Variants in PI4K2B observed in about 807,000 individuals in gnomAD.
The protein encoded by PI4K2B is phosphatidylinositol 4-kinase type 2-beta.
Under a neutral mutation model 56.6 loss-of-function variants are expected in PI4K2B, and 46 were observed. The observed-to-expected ratio is 0.81, with a 90% CI of 0.64 to 1.04. The LOEUF (loss-of-function observed/expected upper bound fraction) is 1.04, where lower values mean the gene tolerates loss of function less well. Ranked by LOEUF, PI4K2B falls within the 50% of genes least tolerant of loss-of-function variation. The probability of loss-of-function intolerance (pLI) is 0.00; values close to 1 mark genes in which losing one functional copy is unlikely to be tolerated. For missense variants in PI4K2B, 556 were observed against 607.7 expected (o/e 0.91, Z 0.89); for synonymous variants, 211 against 223.8 (o/e 0.94, Z 0.51).
chr4:25,250,106 G>A (rs575031527), intron 1 of PI4K2B, among the ~76,000 whole-genome samples: 2 of 152,302 alleles, frequency 1.3e-5, no homozygotes, highest in South Asian at 2.1e-4. Context: ...GCAATCCCAG[G>A]CACTTGGCAG....
At chr4:25,246,552 C>T (rs956904095) in intron 1 of PI4K2B, among the ~76,000 whole-genome samples, 3 of 152,282 alleles carry the variant, frequency 2.0e-5, no homozygotes, top group African/African-American at 7.2e-5. Flanking sequence ...AAGAGCCCAG[C>T]TGGCTTCACC....
At chr4:25,249,120 G>A (rs184774111) in intron 1 of PI4K2B, among the ~76,000 whole-genome samples, 11 of 152,250 alleles carry the variant, frequency 7.2e-5, no homozygotes, top group African/African-American at 1.7e-4. Context: ...AGAGAGCGCC[G>A]GGTTGGGGGT....
In PI4K2B at chr4:25,234,404, C is replaced by G. The variant is rs1186143257; in HGVS notation, c.241C>G (p.Leu81Val). The G allele has an allele frequency of 1.4e-6, 2 of 1,388,840 alleles. No homozygotes were observed. Among genetic ancestry groups the G allele is most frequent in the Non-Finnish European group, 1.9e-6 (2 of 1,070,392 alleles). The allele number at this position is 1,388,840 out of a possible 1,614,324, so 86.0% of individuals were successfully genotyped here. A position where few individuals can be genotyped will look rare whatever the true frequency, so the allele number is the denominator to read the frequency against. Residue 81 changes from leucine to valine, a missense_variant, in exon 1 of 10, where the codon CTG becomes GTG. Coordinates refer to ENST00000264864, the MANE Select transcript of PI4K2B (RefSeq NM_018323.4). ...GGTCTCCCGGAGTTCGTCCGCCGAGCTGGACCGGAGCCGCCCCGCGGTTTC... is the reference window on the plus strand; with the variant it reads ...GGTCTCCCGGAGTTCGTCCGCCGAGGTGGACCGGAGCCGCCCCGCGGTTTC... ...VGVSRSSSAE[L>V]DRSRPAVSVT...
At chr4:25,256,743 G>T in intron 4 of PI4K2B, 69 bp downstream of exon 4, 1 of 1,408,494 alleles carries the variant, frequency 7.1e-7, no homozygotes, top group Non-Finnish European at 9.9e-7. Flanking sequence ...TAGGAGCCAG[G>T]CATTGTGCTA....
chr4:25,252,244 C>A lies in PI4K2B; in HGVS notation c.269-77C>A, dbSNP rs1419752318. ...ATTACATTTTTCTGTACCTTATATC[C>A]TGATACCGGCAAGCTAATCGATATT... is the stretch of plus-strand genomic sequence containing the variant. On this transcript the variant is annotated intron_variant, in intron 1 of 9. Coordinates refer to ENST00000264864, the MANE Select transcript of PI4K2B (RefSeq NM_018323.4). 11 of 1,023,630 alleles carry A rather than the reference C, an allele frequency of 1.1e-5. No homozygotes were observed. The Admixed American group carries it at 2.2e-4, about 20-fold the overall frequency. 63.4% of individuals were successfully genotyped at this position (1,023,630 alleles called of 1,614,324 possible).
intron 3 of PI4K2B, among the ~76,000 whole-genome samples, chr4:25,256,151 C>CA (rs1385037856): frequency 7.9e-5 from 12 of 152,214 alleles, no homozygotes; most frequent in Non-Finnish European, 1.8e-4. Context: ...CTCCTGAGCT[C>CA]AAGCAGTCTA....
chr4:25,234,128 G>A lies in PI4K2B; in HGVS notation c.-36G>A. 1 of 1,303,330 alleles carries A rather than the reference G, an allele frequency of 7.7e-7. No individual in the cohort carries two copies. Among genetic ancestry groups the A allele is most frequent in the Non-Finnish European group, 9.8e-7 (1 of 1,022,604 alleles). The allele number at this position is 1,303,330 out of a possible 1,614,324, so 80.7% of individuals were successfully genotyped here. A position where few individuals can be genotyped will look rare whatever the true frequency, so the allele number is the denominator to read the frequency against. On this transcript the variant is annotated 5_prime_UTR_variant, in exon 1 of 10. The change abolishes the stop of an existing upstream ORF in the 5' untranslated region. Transcript: ENST00000264864. ...CCAGTCTCTGGCACCTGGCTGCTCT[G>A]ATCTGGTCTCAGCGCGGAGGGAGCA...
At chr4:25,255,900 A>G (rs971616006) in intron 3 of PI4K2B, among the ~76,000 whole-genome samples, 2 of 149,076 alleles carry the variant, frequency 1.3e-5, no homozygotes, top group African/African-American at 5.0e-5. Context: ...ACATACCATC[A>G]TGCGCCTGGC....
chr4:25,250,318 A>T (rs552685031), intron 1 of PI4K2B, among the ~76,000 whole-genome samples: 43 of 152,336 alleles, frequency 2.8e-4, no homozygotes, highest in African/African-American at 9.4e-4. Flanking sequence ...GCAGGAGGCC[A>T]TTAGCCTCAG....
intron 3 of PI4K2B, 83 bp downstream of exon 3, chr4:25,255,348 A>C: frequency 8.1e-7 from 1 of 1,234,282 alleles, no homozygotes; most frequent in Admixed American, 1.8e-5. Flanking sequence ...ATTCCTAATG[A>C]TAGAACCTAA....
chr4:25,234,047 G>T lies in PI4K2B; in HGVS notation c.-117G>T. 1.1e-6 allele frequency: 1 copy of T among 904,080 alleles called. No homozygotes were observed. Among genetic ancestry groups the T allele is most frequent in the African/African-American group, 1.7e-5 (1 of 58,084 alleles). The allele number at this position is 904,080 out of a possible 1,614,324, so 56.0% of individuals were successfully genotyped here. ...GGGCGGGCGCCAAGCGTGCCCGTGC[G>T]CTGGTGAGGTGGCGTCCGTTCTACC... On this transcript the variant is annotated 5_prime_UTR_variant, in exon 1 of 10. Coordinates refer to ENST00000264864, the MANE Select transcript of PI4K2B (RefSeq NM_018323.4).
In PI4K2B at chr4:25,247,293, C is replaced by T. The variant is rs116055763; in HGVS notation, c.269-5028C>T. On this transcript the variant is annotated intron_variant, in intron 1 of 9. Coordinates refer to ENST00000264864, the MANE Select transcript of PI4K2B (RefSeq NM_018323.4). Reference sequence around the variant, plus strand: ...TTTCCATAAGTGAGCTTTTGAAAGTCCGTGAGTGGCGGTGTGTTGGAGAGT... The same window carrying T: ...TTTCCATAAGTGAGCTTTTGAAAGTTCGTGAGTGGCGGTGTGTTGGAGAGT... 5.4e-3 allele frequency among the ~76,000 whole-genome samples: 818 copies of T among 152,352 alleles called. 6 individuals carry two copies. Among genetic ancestry groups the T allele is most frequent in the African/African-American group, 0.018 (768 of 41,582 alleles).
intron 3 of PI4K2B, among the ~76,000 whole-genome samples, chr4:25,256,265 A>G (rs1488247952): frequency 6.6e-6 from 1 of 152,214 alleles, no homozygotes; most frequent in African/African-American, 2.4e-5. Context: ...CTTCCTTAAA[A>G]TGTTTATTCC....
chr4:25,256,722 A>C, intron 4 of PI4K2B, 48 bp downstream of exon 4: 1 of 1,560,942 alleles, frequency 6.4e-7, no homozygotes, highest in Non-Finnish European at 8.8e-7. Context: ...GGGCACATAC[A>C]TCCTGAGCTC....
chr4:25,244,860 C>T (rs1041758116), intron 1 of PI4K2B, among the ~76,000 whole-genome samples: 2 of 151,750 alleles, frequency 1.3e-5, no homozygotes, highest in African/African-American at 4.8e-5. Flanking sequence ...GCTTAGTGAC[C>T]CTTACCGACC....
chr4:25,252,189 G>A (rs1461171387), intron 1 of PI4K2B, 132 bp from the exon 2 acceptor site: 2 of 575,676 alleles, frequency 3.5e-6, no homozygotes, highest in African/African-American at 3.7e-5. Flanking sequence ...GTGGGGGGAA[G>A]GAGGATTAGA....
chr4:25,246,884 TGGCGGGGCAGGCC>T (rs1284438546), intron 1 of PI4K2B, among the ~76,000 whole-genome samples: 1 of 152,166 alleles, frequency 6.6e-6, no homozygotes, highest in Non-Finnish European at 1.5e-5. Flanking sequence ...GCCTGGGGCC[TGGCGGGGCAGGCC>T]GGCTGCTCCC....
chr4:25,255,397 AG>A, intron 3 of PI4K2B, 132 bp downstream of exon 3: 3 of 682,130 alleles, frequency 4.4e-6, no homozygotes, highest in Non-Finnish European at 7.5e-6. Flanking sequence ...AAGAGTCATG[AG>A]TGACTGGTAA....
intron 9 of PI4K2B, among the ~76,000 whole-genome samples, chr4:25,270,735 A>T (rs1029026999): frequency 2.0e-5 from 3 of 152,194 alleles, no homozygotes; most frequent in African/African-American, 4.8e-5. Flanking sequence ...GGCTGGGCTC[A>T]CTGTTAGATG....
Sources: gnomAD v4.1 joint callset for allele counts (sites outside exome capture counted in the v4.1 genomes callset) on GRCh38, gnomAD v4.1.1 for gene constraint, MANE v1.5 for transcripts, NCBI Gene and HGNC (gene_info 2026-07-23, HGNC 2026-07-21) for gene names.